The following DMXL2 variants were observed in gnomAD, a reference collection of about 807,000 sequenced individuals.
The protein encoded by DMXL2 is dmX-like protein 2.
Under a neutral mutation model 331.1 loss-of-function variants are expected in DMXL2, and 103 were observed. That is an observed-to-expected ratio of 0.31 (90% confidence interval 0.27 to 0.37). DMXL2 has a LOEUF of 0.37. Among genes scored for constraint, DMXL2 ranks in the 10% least tolerant of loss-of-function variants. DMXL2 has a pLI of 1.00. For missense variants in DMXL2, 3,171 were observed against 3,642.9 expected (o/e 0.87, Z 3.33); for synonymous variants, 1,281 against 1,252.1 (o/e 1.02, Z -0.49).
In DMXL2 at chr15:51,460,987, A is replaced by G. The variant is rs541588848; in HGVS notation, c.7927-1327T>C. Among the ~76,000 whole-genome samples, 4 of 152,328 alleles carry G rather than the reference A, an allele frequency of 2.6e-5. No individual in the cohort carries two copies. In the South Asian group the frequency reaches 8.3e-4, roughly 32 times the overall value. ...TAACCACATGTGGCTGGTGACTACT[A>G]TGTTGGACTATGCAGATACAGATTT... On this transcript the variant is annotated intron_variant, in intron 33 of 43. Coordinates refer to ENST00000560891, the MANE Select transcript of DMXL2 (RefSeq NM_001378457.1).
chr15:51,553,477 A>T (rs753193163), intron 6 of DMXL2, among the ~76,000 whole-genome samples: 5 of 148,036 alleles, frequency 3.4e-5, no homozygotes, highest in Admixed American at 1.3e-4. Flanking sequence ...GTTATATGAT[A>T]AAAAAAAATC....
rs959970328 is a variant in DMXL2 at position 51,622,695 on chromosome 15, C to T, written c.-150G>A. ...GCTTAACTCCTCGCCCCCCTTTCGC[C>T]TTCCCTCCGCCTCGTCCCTGCCATG... On this transcript the variant is annotated 5_prime_UTR_variant, in exon 1 of 44. Transcript: ENST00000560891. The T allele has an allele frequency of 9.2e-5, 128 of 1,394,460 alleles. No homozygotes were observed. The highest frequency in any genetic ancestry group is 2.6e-4 in the Middle Eastern group (1 of 3,830). The allele number at this position is 1,394,460 out of a possible 1,614,324, so 86.4% of individuals were successfully genotyped here. A position where few individuals can be genotyped will look rare whatever the true frequency, so the allele number is the denominator to read the frequency against.
At chr15:51,470,593 T>C (rs1166476498) in intron 29 of DMXL2, among the ~76,000 whole-genome samples, 1 of 152,200 alleles carries the variant, frequency 6.6e-6, no homozygotes, top group African/African-American at 2.4e-5. Context: ...GGAGATGTAT[T>C]CCCTCATGTG....
chr15:51,450,008 G>C (rs2038993349), intron 43 of DMXL2, 121 bp downstream of exon 43: 4 of 846,428 alleles, frequency 4.7e-6, no homozygotes. Context: ...GAGATATGCA[G>C]TATCTCCATG....
In DMXL2 at chr15:51,586,800, C is replaced by T. The variant is rs759546951; in HGVS notation, c.88-10619G>A. Among the ~76,000 whole-genome samples the T allele has an allele frequency of 1.4e-3, 211 of 152,120 alleles. 2 individuals carry two copies. Among genetic ancestry groups the T allele is most frequent in the Non-Finnish European group, 2.0e-3 (138 of 67,996 alleles). On this transcript the variant is annotated intron_variant, in intron 1 of 43. Coordinates refer to ENST00000560891, the MANE Select transcript of DMXL2 (RefSeq NM_001378457.1). ...AAAATATGCAATAATTAATTATTTG[C>T]TCTAATTAACCATTATAAAACCAAC...
rs527773429 is a variant in DMXL2 at position 51,458,699 on chromosome 15, G to A, written c.8076+10C>T. ...AGAAATACACTGTGTATAATGATGA[G>A]AGCTTTTACCTTATTAACAGAAAAT... On this transcript the variant is annotated intron_variant, in intron 35 of 43. Transcript: ENST00000560891. 4.3e-6 allele frequency: 7 copies of A among 1,613,900 alleles called. No homozygotes were observed. Among genetic ancestry groups the A allele is most frequent in the South Asian group, 2.2e-5 (2 of 91,052 alleles).
At chr15:51,478,826 C>G (rs1295262685) in intron 25 of DMXL2, among the ~76,000 whole-genome samples, 1 of 151,980 alleles carries the variant, frequency 6.6e-6, no homozygotes, top group Non-Finnish European at 1.5e-5. Context: ...CTGTGTGAAA[C>G]AGCAGATTTT....
At chr15:51,478,245 T>C (rs771989758) in intron 26 of DMXL2, 26 bp downstream of exon 26, 3 of 1,533,828 alleles carry the variant, frequency 2.0e-6, no homozygotes, top group Non-Finnish European at 2.6e-6. Context: ...GCTGTATTAA[T>C]ACTATTTTGG....
intron 22 of DMXL2, among the ~76,000 whole-genome samples, chr15:51,487,582 C>T (rs1002380173): frequency 6.6e-5 from 10 of 152,050 alleles, no homozygotes; most frequent in Non-Finnish European, 1.3e-4. Context: ...CTCAGCCTCC[C>T]GAGTAGCTGG....
At chr15:51,498,079 A>C (rs1463448161) in intron 18 of DMXL2, among the ~76,000 whole-genome samples, 1 of 152,148 alleles carries the variant, frequency 6.6e-6, no homozygotes, top group Non-Finnish European at 1.5e-5. Flanking sequence ...CAAAAAAAAT[A>C]AAAAGAAATT....
At chr15:51,520,621 C>T (rs1360847821) in intron 13 of DMXL2, among the ~76,000 whole-genome samples, 1 of 152,074 alleles carries the variant, frequency 6.6e-6, no homozygotes, top group East Asian at 1.9e-4. Flanking sequence ...CTTTGGGGGG[C>T]CGAGCTGGGT....
rs1231529914 is a variant in DMXL2 at position 51,538,204 on chromosome 15, G to A, written c.1345+9C>T. The A allele has an allele frequency of 6.2e-7, 1 of 1,607,094 alleles. No individual in the cohort carries two copies. The highest frequency in any genetic ancestry group is 1.1e-5 in the South Asian group (1 of 90,350). On this transcript the variant is annotated intron_variant, in intron 10 of 43. Coordinates refer to ENST00000560891, the MANE Select transcript of DMXL2 (RefSeq NM_001378457.1). Reference sequence around the variant, plus strand: ...TGGAGTAAGTAAAATCTGAACACAGGATACTAACCATGGTCTAATTTCATA... The same window carrying A: ...TGGAGTAAGTAAAATCTGAACACAGAATACTAACCATGGTCTAATTTCATA...
chr15:51,536,986 G>A (rs1596167559), intron 11 of DMXL2, 124 bp from the exon 12 acceptor site: 2 of 799,484 alleles, frequency 2.5e-6, no homozygotes, highest in East Asian at 2.7e-5. Context: ...CCTCTTTATG[G>A]TCCAGTCCCC....
intron 15 of DMXL2, among the ~76,000 whole-genome samples, chr15:51,507,568 A>G (rs1159895813): frequency 6.6e-6 from 1 of 152,152 alleles, no homozygotes; most frequent in Non-Finnish European, 1.5e-5. Flanking sequence ...ACAAACTATG[A>G]GTTCACACAA....
Position 51,449,093 on chromosome 15 carries a change from T to C in DMXL2, c.9068A>G (p.Asp3023Gly). ...GAAGAGCCGATTGCCCTGGATGATG[T>C]CAATCTGCATGACTCCAGCCCCAAT... ...RNIGAGVMQI[D>G]IIQGNRLFSC... The change falls in exon 44 of 44, where the codon GAC (aspartate) becomes GGC (glycine). Residue 3023 changes from aspartate to glycine, a missense_variant. This residue lies in a region of DMXL2 where 766 missense variants were observed against 940.5 expected (regional missense o/e 0.81). Coordinates refer to ENST00000560891, the MANE Select transcript of DMXL2 (RefSeq NM_001378457.1). 1 of 1,614,180 alleles carries C rather than the reference T, an allele frequency of 6.2e-7. No individual in the cohort carries two copies. Among genetic ancestry groups the C allele is most frequent in the Non-Finnish European group, 8.5e-7 (1 of 1,180,030 alleles).
chr15:51,537,491 A>T lies in DMXL2; in HGVS notation c.1614T>A (p.Val538=). 1.2e-6 allele frequency: 2 copies of T among 1,608,268 alleles called. No homozygotes were observed. The highest frequency in any genetic ancestry group is 2.2e-5 in the South Asian group (2 of 90,540). The change falls in exon 11 of 44, where the codon GTT becomes GTA. Residue 538 remains valine (V), a synonymous_variant. Transcript: ENST00000560891. ...DEYNPGIFRQ[V]QVSFSSRIPV... ...CTATTTCATCAATAAAATATACCTG[A>T]ACTTGTCTAAATATTCCAGGATTAT... is the stretch of plus-strand genomic sequence containing the variant.
chr15:51,621,766 A>G (rs1464027195), intron 1 of DMXL2, among the ~76,000 whole-genome samples: 1 of 152,210 alleles, frequency 6.6e-6, no homozygotes, highest in Non-Finnish European at 1.5e-5. Flanking sequence ...GCTACCTTAC[A>G]GATTAAAATA....
At chr15:51,549,944 T>C (rs548795517) in intron 6 of DMXL2, among the ~76,000 whole-genome samples, 4 of 152,178 alleles carry the variant, frequency 2.6e-5, no homozygotes, top group Admixed American at 1.3e-4. Context: ...TCATTTACTG[T>C]GCAGAAACTC....
chr15:51,591,274 CAGG>C (rs1028970137), intron 1 of DMXL2, among the ~76,000 whole-genome samples: 1 of 152,196 alleles, frequency 6.6e-6, no homozygotes, highest in African/African-American at 2.4e-5. Context: ...AACAGCACAC[CAGG>C]AGATTATATC....
Sources: gnomAD v4.1 joint callset for allele counts (sites outside exome capture counted in the v4.1 genomes callset) on GRCh38, gnomAD v4.1.1 for gene constraint, gnomAD v4.1.1 regional missense constraint, MANE v1.5 for transcripts, NCBI Gene and HGNC (gene_info 2026-07-23, HGNC 2026-07-21) for gene names.